Variants in IARS1 observed in about 807,000 individuals in gnomAD.
The protein encoded by IARS1 is isoleucine--tRNA ligase, cytoplasmic.
Under a neutral mutation model 168.2 loss-of-function variants are expected in IARS1, and 124 were observed. The observed-to-expected ratio is 0.74, with a 90% CI of 0.64 to 0.86. The LOEUF is 0.86. IARS1 is among the 40% of genes least tolerant of loss of function. The pLI, the probability that IARS1 is intolerant of heterozygous loss-of-function variation, is 0.00. For missense variants in IARS1, 1,452 were observed against 1,515.8 expected, an observed-to-expected ratio of 0.96 and a Z score of 0.70; for synonymous variants, 532 against 529.4, an observed-to-expected ratio of 1.00 and a Z score of -0.07.
At chr9:92,254,626 A>C (rs1331833545) in intron 20 of IARS1, among the ~76,000 whole-genome samples, 3 of 152,178 alleles carry the variant, frequency 2.0e-5, no homozygotes, top group African/African-American at 4.8e-5. Context: ...GGTTCACGGC[A>C]CTTTTTACCT....
chr9:92,286,696 T>C (rs1192108946), intron 4 of IARS1, 78 bp from the exon 5 acceptor site: 1 of 802,134 alleles, frequency 1.2e-6, no homozygotes, highest in African/African-American at 1.7e-5. Flanking sequence ...ATTTCTGTTG[T>C]CATCACAAAT....
intron 9 of IARS1, 66 bp from the exon 10 acceptor site, chr9:92,274,587 C>A: frequency 8.7e-7 from 1 of 1,147,258 alleles, no homozygotes; most frequent in East Asian, 2.4e-5. Context: ...AACTTTGTAA[C>A]AGTTTTTCCT....
chr9:92,287,945 C>T (rs772139617), intron 3 of IARS1, 35 bp from the exon 4 acceptor site: 3 of 1,609,484 alleles, frequency 1.9e-6, no homozygotes, highest in Admixed American at 1.7e-5. Flanking sequence ...ACCACGCTGC[C>T]CTATGAAAAC....
chr9:92,267,049 A>G (rs1832381689), intron 14 of IARS1, among the ~76,000 whole-genome samples: 1 of 152,226 alleles, frequency 6.6e-6, no homozygotes, highest in South Asian at 2.1e-4. Flanking sequence ...GCGGTCTGTC[A>G]TTGACTGAAT....
chr9:92,253,860 G>T (rs1297763529), intron 20 of IARS1: 2 of 479,172 alleles, frequency 4.2e-6, no homozygotes, highest in Admixed American at 4.4e-5. Flanking sequence ...TCAACTAAAA[G>T]ACAAAAAGCA....
chr9:92,215,403 C>T (rs1020709154), intron 33 of IARS1, among the ~76,000 whole-genome samples: 3 of 152,160 alleles, frequency 2.0e-5, no homozygotes, highest in Non-Finnish European at 2.9e-5. Flanking sequence ...TCACCAGCAA[C>T]GGAACAAAGC....
chr9:92,227,424 C>T (rs1457174911), intron 31 of IARS1, among the ~76,000 whole-genome samples: 29 of 143,548 alleles, frequency 2.0e-4, no homozygotes, highest in African/African-American at 6.0e-4. Flanking sequence ...GGCGGCTGGC[C>T]GGGCGGGGGG....
At chr9:92,252,006 G>A in intron 21 of IARS1, 121 bp from the exon 22 acceptor site, 2 of 749,278 alleles carry the variant, frequency 2.7e-6, no homozygotes, top group Non-Finnish European at 4.4e-6. Flanking sequence ...CAAGACATGA[G>A]ACAGAGAAAG....
chr9:92,249,038 G>A (rs1829643844), intron 25 of IARS1, among the ~76,000 whole-genome samples: 1 of 152,128 alleles, frequency 6.6e-6, no homozygotes, highest in Non-Finnish European at 1.5e-5. Flanking sequence ...ACTGATATAT[G>A]CATATATGTA....
chr9:92,278,561 G>A (rs1305829586), intron 7 of IARS1, among the ~76,000 whole-genome samples: 1 of 152,026 alleles, frequency 6.6e-6, no homozygotes, highest in Admixed American at 6.6e-5. Flanking sequence ...TCCTTCATAA[G>A]GTAAACATGT....
chr9:92,227,733 C>G (rs6479413), intron 31 of IARS1, among the ~76,000 whole-genome samples: 1 of 148,496 alleles, frequency 6.7e-6, no homozygotes, highest in African/African-American at 2.5e-5. Context: ...ACATCTCAGA[C>G]GATGGGCGGC....
chr9:92,258,763 A>T (rs944630391), intron 19 of IARS1, 91 bp downstream of exon 19: 10 of 1,331,732 alleles, frequency 7.5e-6, no homozygotes, highest in Non-Finnish European at 9.1e-6. Context: ...CAGCAGCCCT[A>T]AAGTCTCACA....
At chr9:92,273,059 G>C (rs969697206) in intron 10 of IARS1, among the ~76,000 whole-genome samples, 3 of 149,954 alleles carry the variant, frequency 2.0e-5, no homozygotes, top group African/African-American at 7.4e-5. Flanking sequence ...TTGAACCCAG[G>C]AGACGGAGAT....
At chr9:92,254,475 G>A (rs998226493) in intron 20 of IARS1, among the ~76,000 whole-genome samples, 3 of 152,168 alleles carry the variant, frequency 2.0e-5, no homozygotes, top group African/African-American at 4.8e-5. Flanking sequence ...AGTTGCAACC[G>A]GCAGAGCTGC....
intron 25 of IARS1, among the ~76,000 whole-genome samples, chr9:92,249,503 C>T (rs1243677985): frequency 1.3e-5 from 2 of 151,950 alleles, no homozygotes; most frequent in Non-Finnish European, 1.5e-5. Context: ...TGGTAAGGCA[C>T]TACTGCACTC....
chr9:92,227,416 C>T (rs1198493583), intron 31 of IARS1, among the ~76,000 whole-genome samples: 87 of 145,638 alleles, frequency 6.0e-4, no homozygotes, highest in Admixed American at 1.1e-3. Flanking sequence ...CCGGACAGGG[C>T]GGCTGGCCGG....
rs1832787732 is a variant in IARS1, at chr9:92,269,984, C to G, written c.1206-1G>C. On this transcript the variant is annotated splice_acceptor_variant, in intron 12 of 33. Transcript: ENST00000443024. LOFTEE classifies it high-confidence loss of function. ...TTTGTAAATTAGAGGAGTGTCTGAT[C>G]TGGGGAAGCAGAAACACACACATAG... 6.2e-7 allele frequency: 1 copy of G among 1,608,152 alleles called. No individual in the cohort carries two copies. The highest frequency in any genetic ancestry group is 8.5e-7 in the Non-Finnish European group (1 of 1,174,686).
chr9:92,284,290 C>T (rs372888500), intron 6 of IARS1, among the ~76,000 whole-genome samples: 8 of 152,118 alleles, frequency 5.3e-5, no homozygotes, highest in African/African-American at 1.9e-4. Context: ...AAGATCTATA[C>T]TGGATTATTT....
chr9:92,242,755 T>C (rs1275275565), intron 28 of IARS1: 1 of 204,714 alleles, frequency 4.9e-6, no homozygotes, highest in Non-Finnish European at 9.9e-6. Context: ...ATTCTCTCAC[T>C]AGCAGGGGCT....
Sources: allele counts gnomAD v4.1 joint callset (sites outside exome capture counted in the v4.1 genomes callset), GRCh38; gene constraint gnomAD v4.1.1; transcripts MANE v1.5; gene names NCBI Gene and HGNC (gene_info 2026-07-23, HGNC 2026-07-21).